APBA2: variants seen among roughly 807,000 people sequenced by gnomAD.
The protein encoded by APBA2 is amyloid beta precursor protein binding family A member 2, also known as amyloid-beta A4 precursor protein-binding family A member 2.
A neutral mutation model predicts 75.0 loss-of-function variants in APBA2; 30 were observed. That is an observed-to-expected ratio of 0.40 (90% CI 0.30 to 0.54). The LOEUF is 0.54. APBA2 is among the 20% of genes least tolerant of loss of function. APBA2 has a pLI of 0.49. For synonymous variants in APBA2, 444 were observed against 409.6 expected, an observed-to-expected ratio of 1.08 and a Z score of -1.01; for missense variants, 801 against 1,016.1, an observed-to-expected ratio of 0.79 and a Z score of 2.88.
At chr15:28,993,268 G>C (rs2038333502) in intron 2 of APBA2, among the ~76,000 whole-genome samples, 1 of 152,198 alleles carries the variant, frequency 6.6e-6, no homozygotes, top group African/African-American at 2.4e-5. Context: ...AGGAGACATA[G>C]GTCACTCGAA....
intron 1 of APBA2, among the ~76,000 whole-genome samples, chr15:28,914,815 C>T (rs2033590423): frequency 6.6e-6 from 1 of 151,946 alleles, no homozygotes; most frequent in South Asian, 2.1e-4. Flanking sequence ...TGATGGGGGC[C>T]TGGCCACTCG....
At chr15:29,109,362 C>G (rs1029188581) in intron 13 of APBA2, among the ~76,000 whole-genome samples, 2 of 152,040 alleles carry the variant, frequency 1.3e-5, no homozygotes, top group Non-Finnish European at 2.9e-5. Context: ...AAATTTGCTG[C>G]TATAAAAAAG....
chr15:29,057,083 T>C (rs2152894919), intron 4 of APBA2, among the ~76,000 whole-genome samples: 1 of 152,170 alleles, frequency 6.6e-6, no homozygotes, highest in Non-Finnish European at 1.5e-5. Flanking sequence ...CATGCTCACC[T>C]CTCTGATCCC....
chr15:29,070,936 C>T (rs974761418), intron 4 of APBA2: 2 of 380,714 alleles, frequency 5.3e-6, no homozygotes, highest in African/African-American at 4.2e-5. Context: ...ACTTCTCTGT[C>T]ACAGGGTTAC....
At chr15:29,070,596 A>G (rs2042576303) in intron 4 of APBA2, 1 of 159,848 alleles carries the variant, frequency 6.3e-6, no homozygotes, top group African/African-American at 2.4e-5. Context: ...TGGAAGGAAA[A>G]GAACAATACC....
In APBA2 at chr15:29,054,318, C is replaced by T. The variant is rs765759759; in HGVS notation, c.434C>T (p.Ala145Val). The change falls in exon 4 of 15, where the codon GCG (alanine) becomes GTG (valine). Residue 145 changes from alanine (A) to valine (V), a missense_variant. Ala to Val is a moderately conservative substitution (Grantham distance 64). Coordinates refer to ENST00000683413, the MANE Select transcript of APBA2 (RefSeq NM_001353788.2). The surrounding 1 kb of genome is among the most constrained non-coding windows in gnomAD (Gnocchi z 6.1). ...QEAVEEWTDS[A>V]GPHPHGHEAE... ...GCGGTGGAGGAGTGGACGGACTCGG[C>T]GGGCCCGCACCCCCACGGCCACGAG... 3.6e-5 allele frequency: 58 copies of T among 1,613,898 alleles called. No individual in the cohort carries two copies. The highest frequency in any genetic ancestry group is 8.9e-5 in the East Asian group (4 of 44,858).
intron 2 of APBA2, among the ~76,000 whole-genome samples, chr15:28,974,890 AAG>A (rs2037254008): frequency 6.6e-6 from 1 of 152,212 alleles, no homozygotes; most frequent in African/African-American, 2.4e-5. Context: ...GACAAAAAAT[AAG>A]AGTAAGATTG....
intron 2 of APBA2, among the ~76,000 whole-genome samples, chr15:28,936,611 C>T (rs549507766): frequency 6.6e-6 from 1 of 152,328 alleles, no homozygotes; most frequent in South Asian, 2.1e-4. Flanking sequence ...CTCCTTTGTT[C>T]CTCTCTATCA....
At chr15:28,892,827 C>T (rs1475029759) in intron 1 of APBA2, among the ~76,000 whole-genome samples, 1 of 152,116 alleles carries the variant, frequency 6.6e-6, no homozygotes, top group East Asian at 1.9e-4. Context: ...TTATGGTTTC[C>T]CACCGTTGGT....
intron 8 of APBA2, among the ~76,000 whole-genome samples, chr15:29,097,247 G>A (rs575226263): frequency 1.3e-5 from 2 of 152,264 alleles, no homozygotes; most frequent in Admixed American, 1.3e-4. Context: ...TCCAGGAAAC[G>A]TAACCTGAGT....
intron 4 of APBA2, among the ~76,000 whole-genome samples, chr15:29,071,592 C>A (rs1325644951): frequency 6.8e-6 from 1 of 146,464 alleles, no homozygotes; most frequent in African/African-American, 2.6e-5. Flanking sequence ...TAAATAGTAT[C>A]TTTATCTAGG....
At chr15:29,061,914 C>G (rs1300455000) in intron 4 of APBA2, among the ~76,000 whole-genome samples, 1 of 152,200 alleles carries the variant, frequency 6.6e-6, no homozygotes, top group Admixed American at 6.5e-5. Context: ...CCCAGGCGCC[C>G]CCCCTCCATC....
chr15:28,965,340 C>T (rs2036684900), intron 2 of APBA2, among the ~76,000 whole-genome samples: 1 of 152,138 alleles, frequency 6.6e-6, no homozygotes, highest in East Asian at 1.9e-4. Context: ...CTCTGTGTCT[C>T]TCCCTTTGCC....
intron 3 of APBA2, among the ~76,000 whole-genome samples, chr15:29,048,810 G>A (rs539001950): frequency 2.6e-5 from 4 of 151,694 alleles, no homozygotes; most frequent in Admixed American, 6.6e-5. Context: ...GTGGTGGTGC[G>A]CACCTACCTG....
At chr15:28,970,483 C>T (rs1397683615) in intron 2 of APBA2, 2 of 148,958 alleles carry the variant, frequency 1.3e-5, no homozygotes, top group African/African-American at 4.9e-5. Context: ...CTGAGACCAG[C>T]CTGGGGCCAC....
intron 9 of APBA2, among the ~76,000 whole-genome samples, chr15:29,101,092 C>T (rs1299184462): frequency 6.6e-6 from 1 of 151,222 alleles, no homozygotes; most frequent in Non-Finnish European, 1.5e-5. Context: ...ACTGGCATCT[C>T]CTGGGGAGAG....
At chr15:29,030,260 T>C (rs2040422326) in intron 3 of APBA2, among the ~76,000 whole-genome samples, 1 of 151,904 alleles carries the variant, frequency 6.6e-6, no homozygotes, top group African/African-American at 2.4e-5. Flanking sequence ...GGGATAGAGA[T>C]CATCCTGGCT....
chr15:28,980,800 G>C (rs2037581455), intron 2 of APBA2, among the ~76,000 whole-genome samples: 1 of 152,184 alleles, frequency 6.6e-6, no homozygotes, highest in South Asian at 2.1e-4. Flanking sequence ...CTACGAGGCT[G>C]CAGTAACCAA....
intron 4 of APBA2, among the ~76,000 whole-genome samples, chr15:29,056,842 C>G (rs934931503): frequency 6.6e-6 from 1 of 151,718 alleles, no homozygotes; most frequent in Non-Finnish European, 1.5e-5. Context: ...TTTGAGTACC[C>G]CATTCCAGAT....
Sources: gnomAD v4.1 joint callset for allele counts (sites outside exome capture counted in the v4.1 genomes callset) on GRCh38, gnomAD v4.1.1 for gene constraint, Gnocchi (gnomAD v3.1) non-coding constraint, MANE v1.5 for transcripts, NCBI Gene and HGNC (gene_info 2026-07-23, HGNC 2026-07-21) for gene names.